The following WIPF2 variants were observed in gnomAD, a reference collection of about 807,000 sequenced individuals.
WIPF2 encodes WAS/WASL-interacting protein family member 2.
In WIPF2, 23 loss-of-function variants were observed where a neutral mutation model predicts 38.8. The ratio of observed to expected loss-of-function variants is 0.59; its 90% CI spans 0.43 to 0.84. WIPF2 has a LOEUF of 0.84. Ranked by LOEUF, WIPF2 falls within the 40% of genes least tolerant of loss-of-function variation. The pLI is 0.00. For missense variants in WIPF2, 574 were observed against 580.5 expected (o/e 0.99, Z 0.11); for synonymous variants, 210 against 223.2 (o/e 0.94, Z 0.53).
In WIPF2 at chr17:40,279,568, C is replaced by T. The variant is rs1323800063; in HGVS notation, c.*1343C>T. 1.3e-5 allele frequency: 2 copies of T among 152,598 alleles called. No homozygotes were observed. The highest frequency in any genetic ancestry group is 1.3e-4 in the Admixed American group (2 of 15,268). 9.5% of individuals were successfully genotyped at this position (152,598 alleles called of 1,614,324 possible). A position where few individuals can be genotyped will look rare whatever the true frequency, so the allele number is the denominator to read the frequency against. ...AGGTTGTTTCTTTGTCTTCCGGGTCCTAAAGAGCACAGAGAAAATGGAGGT... is the reference window on the plus strand; with the variant it reads ...AGGTTGTTTCTTTGTCTTCCGGGTCTTAAAGAGCACAGAGAAAATGGAGGT... On this transcript the variant is annotated 3_prime_UTR_variant, in exon 8 of 8. Coordinates refer to ENST00000323571, the MANE Select transcript of WIPF2 (RefSeq NM_133264.5).
chr17:40,236,293 G>T (rs1471911054), intron 1 of WIPF2, among the ~76,000 whole-genome samples: 1 of 151,712 alleles, frequency 6.6e-6, no homozygotes, highest in African/African-American at 2.4e-5. Flanking sequence ...TTCTACTGGA[G>T]ATTATATTTC....
At chr17:40,232,179 ATT>A (rs752876006) in intron 1 of WIPF2, among the ~76,000 whole-genome samples, 999 of 75,926 alleles carry the variant, frequency 0.013, 4 homozygotes, top group Non-Finnish European at 0.019. Context: ...TGCCTGGCTA[ATT>A]TTTTTTTTTT....
chr17:40,219,354 G>T lies in WIPF2; in HGVS notation c.-208G>T. 2.6e-6 allele frequency: 1 copy of T among 389,364 alleles called. No individual in the cohort carries two copies. Among genetic ancestry groups the T allele is most frequent in the Non-Finnish European group, 4.8e-6 (1 of 207,212 alleles). 24.1% of individuals were successfully genotyped at this position (389,364 alleles called of 1,614,324 possible). ...GTGGGAGCAGATCCATTTCCGGGTT[G>T]GCAAAAGGGGCGGTGGCGGCGGCGG... On this transcript the variant is annotated 5_prime_UTR_variant, in exon 1 of 8. Coordinates refer to ENST00000323571, the MANE Select transcript of WIPF2 (RefSeq NM_133264.5).
chr17:40,254,421 A>T (rs1475270213), intron 1 of WIPF2, among the ~76,000 whole-genome samples: 1 of 151,982 alleles, frequency 6.6e-6, no homozygotes, highest in South Asian at 2.1e-4. Flanking sequence ...AGTTGTACTC[A>T]TGGTGGCCAT....
At chr17:40,250,226 T>TTTTTTG (rs1265795292) in intron 1 of WIPF2, among the ~76,000 whole-genome samples, 1 of 108,608 alleles carries the variant, frequency 9.2e-6, no homozygotes, top group African/African-American at 3.6e-5. Flanking sequence ...CATGTTTTTT[T>TTTTTTG]TTTTTTTTTT....
At chr17:40,226,676 C>G (rs886879762) in intron 1 of WIPF2, among the ~76,000 whole-genome samples, 1 of 152,132 alleles carries the variant, frequency 6.6e-6, no homozygotes, top group African/African-American at 2.4e-5. Flanking sequence ...TAAACTGCTT[C>G]TTTCCTTGTC....
Position 40,219,360 on chromosome 17 carries a change from A to G in WIPF2, c.-202A>G, listed in dbSNP as rs1040288068. 7 of 359,830 alleles carry G rather than the reference A, an allele frequency of 1.9e-5. No individual in the cohort carries two copies. The highest frequency in any genetic ancestry group is 4.9e-5 in the African/African-American group (2 of 41,200). 22.3% of individuals were successfully genotyped at this position (359,830 alleles called of 1,614,324 possible). A position where few individuals can be genotyped will look rare whatever the true frequency, so the allele number is the denominator to read the frequency against. On this transcript the variant is annotated 5_prime_UTR_variant, in exon 1 of 8. Coordinates refer to ENST00000323571, the MANE Select transcript of WIPF2 (RefSeq NM_133264.5). ...GCAGATCCATTTCCGGGTTGGCAAA[A>G]GGGGCGGTGGCGGCGGCGGCGGCGG...
At chr17:40,260,179 C>CTTTTTTTTTTTTT (rs34757828) in intron 2 of WIPF2, among the ~76,000 whole-genome samples, 1 of 101,046 alleles carries the variant, frequency 9.9e-6, no homozygotes, top group African/African-American at 3.8e-5. Flanking sequence ...ATAAAGGGAA[C>CTTTTTTTTTTTTT]TTTTTTTTTT....
intron 1 of WIPF2, among the ~76,000 whole-genome samples, chr17:40,254,469 A>G (rs947802998): frequency 1.3e-5 from 2 of 152,196 alleles, no homozygotes; most frequent in Non-Finnish European, 2.9e-5. Flanking sequence ...GAGGGGGTCA[A>G]AAAATGGGAT....
chr17:40,222,692 C>CA (rs1218702241), intron 1 of WIPF2, among the ~76,000 whole-genome samples: 1 of 81,274 alleles, frequency 1.2e-5, no homozygotes, highest in Non-Finnish European at 2.2e-5. Flanking sequence ...TTTTTTGAGA[C>CA]AGAGTTTCGC....
intron 1 of WIPF2, among the ~76,000 whole-genome samples, chr17:40,237,545 AT>A (rs1177200649): frequency 1.3e-5 from 2 of 149,616 alleles, no homozygotes; most frequent in Non-Finnish European, 3.0e-5. Context: ...CCCAACCCTA[AT>A]TTTTTTTTCC....
intron 3 of WIPF2, among the ~76,000 whole-genome samples, chr17:40,261,845 C>T (rs1282430982): frequency 6.7e-6 from 1 of 149,746 alleles, no homozygotes; most frequent in African/African-American, 2.5e-5. Flanking sequence ...TGCCACCGCA[C>T]CCGGCTAATT....
chr17:40,236,995 A>G (rs1209642447), intron 1 of WIPF2, among the ~76,000 whole-genome samples: 1 of 152,082 alleles, frequency 6.6e-6, no homozygotes, highest in Non-Finnish European at 1.5e-5. Context: ...ACATTCTGAA[A>G]TGCAACCATG....
At chr17:40,277,345 G>A (rs889060274) in intron 7 of WIPF2, among the ~76,000 whole-genome samples, 161 bp downstream of exon 7, 2 of 151,998 alleles carry the variant, frequency 1.3e-5, no homozygotes, top group Non-Finnish European at 1.5e-5. Context: ...TCAGGAATTC[G>A]AGACCAGCCT....
In WIPF2 at chr17:40,219,362, GGGCGGTGGCGGCGGCGGC is replaced by G; in HGVS notation, c.-194_-177del. ...AGATCCATTTCCGGGTTGGCAAAAG[GGGCGGTGGCGGCGGCGGC>G]GGCGGCGGCGGCGGCGGCGACGGCG... is the stretch of plus-strand genomic sequence containing the variant. On this transcript the variant is annotated 5_prime_UTR_variant, in exon 1 of 8. Coordinates refer to ENST00000323571, the MANE Select transcript of WIPF2 (RefSeq NM_133264.5). The G allele has an allele frequency of 5.3e-6, 2 of 378,434 alleles. No homozygotes were observed. Among genetic ancestry groups the G allele is most frequent in the South Asian group, 2.3e-5 (1 of 42,856 alleles). 23.4% of individuals were successfully genotyped at this position (378,434 alleles called of 1,614,324 possible).
Position 40,264,950 on chromosome 17 carries a change from T to A in WIPF2, c.774T>A (p.Pro258=). The change falls in exon 5 of 8, where the codon CCT becomes CCA. Residue 258 remains proline, a synonymous_variant. Coordinates refer to ENST00000323571, the MANE Select transcript of WIPF2 (RefSeq NM_133264.5). Reference sequence around the variant, plus strand: ...CTCCTCCTCCGCCTTACCGCCAGCCTCCTGGGGTCCCCAATGGACCCTCTA... The same window carrying A: ...CTCCTCCTCCGCCTTACCGCCAGCCACCTGGGGTCCCCAATGGACCCTCTA... The part of the protein sequence containing the change: ...LAPPPPPYRQ[P]PGVPNGPSSP... 1 of 1,614,106 alleles carries A rather than the reference T, an allele frequency of 6.2e-7. No individual in the cohort carries two copies. The highest frequency in any genetic ancestry group is 2.2e-5 in the East Asian group (1 of 44,880).
intron 4 of WIPF2, among the ~76,000 whole-genome samples, chr17:40,263,868 CA>C (rs2031992159): frequency 2.0e-5 from 3 of 151,654 alleles, no homozygotes; most frequent in South Asian, 4.2e-4. Context: ...GTGTTTTCAC[CA>C]TTAAAAAAAA....
chr17:40,241,087 C>A (rs1249129020), intron 1 of WIPF2, among the ~76,000 whole-genome samples: 1 of 151,958 alleles, frequency 6.6e-6, no homozygotes, highest in Non-Finnish European at 1.5e-5. Flanking sequence ...ATTCAGACAC[C>A]ACAGTGTCTT....
chr17:40,264,165 T>C (rs965719304), intron 4 of WIPF2, among the ~76,000 whole-genome samples: 36 of 150,664 alleles, frequency 2.4e-4, no homozygotes, highest in African/African-American at 8.3e-4. Context: ...AAACCCCATC[T>C]CTACTAAAAA....
Sources: allele counts gnomAD v4.1 joint callset (sites outside exome capture counted in the v4.1 genomes callset), GRCh38; gene constraint gnomAD v4.1.1; transcripts MANE v1.5; gene names NCBI Gene and HGNC (gene_info 2026-07-23, HGNC 2026-07-21).